TMC5: variants seen among roughly 807,000 people sequenced by gnomAD.
The protein encoded by TMC5 is transmembrane channel-like protein 5.
TMC5 carries 86 observed loss-of-function variants against 110.5 expected under a neutral mutation model. That is an observed-to-expected ratio of 0.78 (90% CI 0.65 to 0.93). The LOEUF is 0.93. Among genes scored for constraint, TMC5 ranks in the 40% least tolerant of loss-of-function variants. The pLI is 0.00. For missense variants in TMC5, 1,144 were observed against 1,222.8 expected, an observed-to-expected ratio of 0.94 and a Z score of 0.96; for synonymous variants, 455 against 439.5, an observed-to-expected ratio of 1.04 and a Z score of -0.44.
In TMC5 at chr16:19,487,284, C is replaced by T; in HGVS notation, c.2531C>T (p.Ser844Phe). 6.2e-7 allele frequency: 1 copy of T among 1,614,178 alleles called. No homozygotes were observed. Among genetic ancestry groups the T allele is most frequent in the Non-Finnish European group, 8.5e-7 (1 of 1,180,012 alleles). Residue 844 changes from serine (S) to phenylalanine (F), a missense_variant, in exon 17 of 22, where the codon TCC (serine) becomes TTC (phenylalanine). By Grantham distance (155) the Ser-to-Phe change is radical. Coordinates refer to ENST00000542583, the MANE Select transcript of TMC5 (RefSeq NM_001261841.2). Reference protein sequence around the residue: ...TFFIFLLFFPSFTGVLCTLAI... With the variant: ...TFFIFLLFFPFFTGVLCTLAI... ...TTCATCTTCTTGCTCTTTTTCCCAT[C>T]CTTCACCGGGGTCTTGTGCACCCTG...
At chr16:19,417,111 A>T (rs1305044992), upstream of TMC5, among the ~76,000 whole-genome samples, 1 of 149,588 alleles carries the variant, frequency 6.7e-6, no homozygotes, top group East Asian at 2.0e-4. Context: ...AAAAAAAAAA[A>T]AAAGAAGAAA....
chr16:19,456,811 G>A, intron 5 of TMC5: 1 of 1,614,178 alleles, frequency 6.2e-7, no homozygotes, highest in Non-Finnish European at 8.5e-7. Context: ...AAGAAAAGGT[G>A]CTGCTAGACT....
intron 1 of TMC5, among the ~76,000 whole-genome samples, chr16:19,419,325 T>C (rs2143340530): frequency 6.6e-6 from 1 of 152,040 alleles, no homozygotes; most frequent in Non-Finnish European, 1.5e-5. Flanking sequence ...TATTAACTTA[T>C]TATTATTGTT....
intron 9 of TMC5, among the ~76,000 whole-genome samples, chr16:19,467,842 G>T (rs909416270): frequency 1.9e-4 from 29 of 152,142 alleles, no homozygotes; most frequent in Admixed American, 6.5e-5. Context: ...GTACTAGGGG[G>T]TTAGGACTTC....
rs143016414 is a variant in TMC5, at chr16:19,442,325, A to ATT, written c.788+1519_788+1520dup. 2.6e-4 allele frequency among the ~76,000 whole-genome samples: 32 copies of ATT among 123,446 alleles called. 1 individual carries two copies. Among genetic ancestry groups the ATT allele is most frequent in the Admixed American group, 1.2e-3 (14 of 12,042 alleles). 81.0% of individuals were successfully genotyped at this position (123,446 alleles called of 152,430 possible). Reference sequence around the variant, plus strand: ...ATGTTCACGTTGCCAACAAAATGTAATTTTTTTTTTTTTTTTTTTTTGAGA... The same window carrying ATT: ...ATGTTCACGTTGCCAACAAAATGTAATTTTTTTTTTTTTTTTTTTTTTTGAGA... On this transcript the variant is annotated intron_variant, in intron 3 of 21. Transcript: ENST00000542583.
intron 2 of TMC5, among the ~76,000 whole-genome samples, chr16:19,431,544 GA>G (rs112601330): frequency 0.059 from 7,330 of 124,238 alleles, 381 homozygotes; most frequent in African/African-American, 0.15. Context: ...TTCCATCTCA[GA>G]AAAAAAAAAA....
intron 20 of TMC5, among the ~76,000 whole-genome samples, chr16:19,496,822 G>A (rs1455827052): frequency 2.0e-5 from 3 of 148,944 alleles, no homozygotes; most frequent in Non-Finnish European, 4.4e-5. Flanking sequence ...CCCGAGAGGC[G>A]GAGGTTGCAG....
intron 1 of TMC5, among the ~76,000 whole-genome samples, chr16:19,418,331 C>T (rs935473483): frequency 6.6e-6 from 1 of 152,136 alleles, no homozygotes; most frequent in South Asian, 2.1e-4. Context: ...GAGTTGGAAT[C>T]TGGGCTTCCC....
At chr16:19,449,117 C>T (rs1313428260) in intron 4 of TMC5, among the ~76,000 whole-genome samples, 1 of 151,976 alleles carries the variant, frequency 6.6e-6, no homozygotes, top group Admixed American at 6.6e-5. Context: ...TCCCAAAGTG[C>T]TGGGATTACA....
chr16:19,477,180 G>A (rs1179428398), intron 12 of TMC5: 5 of 296,640 alleles, frequency 1.7e-5, no homozygotes, highest in East Asian at 1.1e-4. Flanking sequence ...CCTGGGAGGC[G>A]GATCTTGCAG....
chr16:19,459,431 G>T (rs1967964384), intron 5 of TMC5, among the ~76,000 whole-genome samples: 1 of 152,146 alleles, frequency 6.6e-6, no homozygotes, highest in Non-Finnish European at 1.5e-5. Flanking sequence ...GTCAAGGAAT[G>T]TGAGAAGTCT....
chr16:19,473,810 T>C (rs777088193), intron 11 of TMC5, among the ~76,000 whole-genome samples: 3 of 152,052 alleles, frequency 2.0e-5, no homozygotes, highest in Non-Finnish European at 2.9e-5. Context: ...GGAAACCCCA[T>C]CTCTACTAAA....
At chr16:19,415,678 C>T (rs1317445906), upstream of TMC5, among the ~76,000 whole-genome samples, 1 of 152,206 alleles carries the variant, frequency 6.6e-6, no homozygotes, top group Non-Finnish European at 1.5e-5. Context: ...CCGCACGATC[C>T]AGGTGTTCCT....
intron 1 of TMC5, among the ~76,000 whole-genome samples, chr16:19,421,821 A>C (rs571822526): frequency 6.3e-4 from 96 of 152,368 alleles, no homozygotes; most frequent in African/African-American, 2.3e-3. Flanking sequence ...TGTGGTTGGC[A>C]TACACCTATA....
chr16:19,419,449 G>T (rs1462495641), intron 1 of TMC5, among the ~76,000 whole-genome samples: 1 of 106,430 alleles, frequency 9.4e-6, no homozygotes, highest in Non-Finnish European at 1.7e-5. Context: ...GTCTTGCTCT[G>T]TCGCTCAGGC....
At chr16:19,444,281 T>C (rs1248858020) in intron 4 of TMC5, 31 bp downstream of exon 4, 2 of 1,604,140 alleles carry the variant, frequency 1.2e-6, no homozygotes, top group Admixed American at 1.7e-5. Context: ...GATCATATCC[T>C]GGGAAAAAAC....
chr16:19,412,373 T>C (rs1475850155), intron 1 of TMC5, among the ~76,000 whole-genome samples: 3 of 149,694 alleles, frequency 2.0e-5, no homozygotes, highest in Non-Finnish European at 4.4e-5. Context: ...AGCCCGACTT[T>C]CTTTTTTTTT....
rs370660321 is a variant in TMC5 at position 19,464,819 on chromosome 16, A to G, written c.1485+795A>G. Among the ~76,000 whole-genome samples the G allele has an allele frequency of 6.6e-5, 10 of 151,086 alleles. No homozygotes were observed. The East Asian group carries it at 1.7e-3, about 26-fold the overall frequency. On this transcript the variant is annotated intron_variant, in intron 8 of 21. Transcript: ENST00000542583. ...TATTTTTTTCTTTGTCCAACTCCCC[A>G]TTTTGAGATATATCTTTGTAGACTG...
chr16:19,410,688 G>C (rs1011209368), upstream of TMC5: 2 of 152,308 alleles, frequency 1.3e-5, no homozygotes, highest in Non-Finnish European at 2.9e-5. Flanking sequence ...GGCCGGCTCC[G>C]GTGCAGGGAG....
Sources: gnomAD v4.1 joint callset for allele counts (sites outside exome capture counted in the v4.1 genomes callset) on GRCh38, gnomAD v4.1.1 for gene constraint, MANE v1.5 for transcripts, NCBI Gene and HGNC (gene_info 2026-07-23, HGNC 2026-07-21) for gene names.